APBB2: variants seen among roughly 807,000 people sequenced by gnomAD.
APBB2 encodes amyloid beta precursor protein binding family B member 2, also known as Fe65-like 1.
A neutral mutation model predicts 82.5 loss-of-function variants in APBB2; 38 were observed. The ratio of observed to expected loss-of-function variants is 0.46; its 90% CI spans 0.36 to 0.60. The LOEUF (loss-of-function observed/expected upper bound fraction) is 0.60, where lower values mean the gene tolerates loss of function less well. Among genes scored for constraint, APBB2 ranks in the 20% least tolerant of loss-of-function variants. The pLI is 0.00. For synonymous variants in APBB2, 341 were observed against 368.2 expected, an observed-to-expected ratio of 0.93 and a Z score of 0.85; for missense variants, 772 against 972.3, an observed-to-expected ratio of 0.79 and a Z score of 2.74.
At chr4:41,042,112 T>C (rs1721738918) in intron 4 of APBB2, among the ~76,000 whole-genome samples, 2 of 152,276 alleles carry the variant, frequency 1.3e-5, no homozygotes, top group East Asian at 1.9e-4. Flanking sequence ...TGCCTCAGCC[T>C]CCTGAGTAGC....
chr4:40,948,760 TAAAA>T (rs34662232), intron 6 of APBB2, among the ~76,000 whole-genome samples: 1 of 83,358 alleles, frequency 1.2e-5, no homozygotes, highest in Non-Finnish European at 2.3e-5. Context: ...ACTCCCATCT[TAAAA>T]AAAAAAAAAA....
intron 4 of APBB2, among the ~76,000 whole-genome samples, chr4:41,036,479 A>G (rs1318035990): frequency 6.6e-6 from 1 of 152,218 alleles, no homozygotes; most frequent in Non-Finnish European, 1.5e-5. Context: ...GCCATGTGTC[A>G]TGCATTATGC....
chr4:41,077,140 G>T (rs1023805894), intron 3 of APBB2, among the ~76,000 whole-genome samples: 3 of 150,714 alleles, frequency 2.0e-5, no homozygotes, highest in Non-Finnish European at 4.4e-5. Context: ...GAGTAACTAG[G>T]ACTACAGGCG....
intron 2 of APBB2, among the ~76,000 whole-genome samples, chr4:41,105,299 T>TC (rs1216329468): frequency 1.4e-4 from 21 of 152,224 alleles, no homozygotes; most frequent in Non-Finnish European, 2.5e-4. Context: ...AATGTGCTTT[T>TC]GTATTTTTTA....
At chr4:40,915,846 T>G (rs911078635) in intron 10 of APBB2, among the ~76,000 whole-genome samples, 2 of 151,960 alleles carry the variant, frequency 1.3e-5, no homozygotes, top group Non-Finnish European at 2.9e-5. Context: ...CCCGGCCATC[T>G]CATTTCACGA....
intron 6 of APBB2, among the ~76,000 whole-genome samples, chr4:40,965,219 A>AGAG (rs1794393863): frequency 6.6e-6 from 1 of 152,144 alleles, no homozygotes; most frequent in Non-Finnish European, 1.5e-5. Context: ...CCATTAAATA[A>AGAG]GAGGGATGCT....
In APBB2 at chr4:40,928,817, G is replaced by T. The variant is rs543508566; in HGVS notation, c.1254+5639C>A. Among the ~76,000 whole-genome samples, 4 of 141,200 alleles carry T rather than the reference G, an allele frequency of 2.8e-5. No homozygotes were observed. The South Asian group carries it at 9.2e-4, about 32-fold the overall frequency. 92.6% of individuals were successfully genotyped at this position (141,200 alleles called of 152,430 possible). Reference sequence around the variant, plus strand: ...GGAGAGTCACTTGAACCCAGAAGGCGGCGGTTGCAGTGAGCCGAGATCGCA... The same window carrying T: ...GGAGAGTCACTTGAACCCAGAAGGCTGCGGTTGCAGTGAGCCGAGATCGCA... On this transcript the variant is annotated intron_variant, in intron 10 of 17. Coordinates refer to ENST00000508593, the MANE Select transcript of APBB2 (RefSeq NM_004307.2).
At position 40,825,977 on chromosome 4, in the gene APBB2, G is replaced by A. The variant is rs2154298679; in HGVS notation, c.1733-7C>T. On this transcript the variant is annotated splice_region_variant and splice_polypyrimidine_tract_variant and intron_variant, in intron 14 of 17. Coordinates refer to ENST00000508593, the MANE Select transcript of APBB2 (RefSeq NM_004307.2). Reference sequence around the variant, plus strand: ...TTTGGTGTTGGAAAATCTACTACAGGGAACAAAAGCAACACATCTTTCTCA... The same window carrying A: ...TTTGGTGTTGGAAAATCTACTACAGAGAACAAAAGCAACACATCTTTCTCA... 1 of 1,611,716 alleles carries A rather than the reference G, an allele frequency of 6.2e-7. No homozygotes were observed. Among genetic ancestry groups the A allele is most frequent in the South Asian group, 1.1e-5 (1 of 91,022 alleles).
chr4:40,908,144 C>A (rs1176492622), intron 10 of APBB2, among the ~76,000 whole-genome samples: 8 of 151,792 alleles, frequency 5.3e-5, no homozygotes, highest in Admixed American at 2.0e-4. Flanking sequence ...GGGAGGCGCC[C>A]ACACAGAGAA....
At chr4:41,086,233 C>T (rs757697074) in intron 3 of APBB2, among the ~76,000 whole-genome samples, 18 of 152,126 alleles carry the variant, frequency 1.2e-4, no homozygotes, top group Non-Finnish European at 2.5e-4. Context: ...CAGCCGAATT[C>T]TATCAAATGT....
chr4:41,006,386 G>T (rs544046274), intron 6 of APBB2, among the ~76,000 whole-genome samples: 1 of 152,176 alleles, frequency 6.6e-6, no homozygotes, highest in Admixed American at 6.5e-5. Context: ...AGTCACCCAA[G>T]GTCCTTAAAA....
At chr4:41,159,238 C>CTCTTTT (rs1259023167) in intron 1 of APBB2, among the ~76,000 whole-genome samples, 1 of 152,176 alleles carries the variant, frequency 6.6e-6, no homozygotes, top group Non-Finnish European at 1.5e-5. Flanking sequence ...CTCTATCTCT[C>CTCTTTT]TCTTTTTCTT....
chr4:41,000,364 T>C (rs73248214), intron 6 of APBB2, among the ~76,000 whole-genome samples: 13,117 of 152,238 alleles, frequency 0.086, 724 homozygotes, highest in Admixed American at 0.15. Context: ...GCAGTAATTC[T>C]AGTGACAGCT....
intron 12 of APBB2, among the ~76,000 whole-genome samples, chr4:40,858,053 T>G (rs1761846685): frequency 6.6e-6 from 1 of 152,104 alleles, no homozygotes; most frequent in Non-Finnish European, 1.5e-5. Flanking sequence ...ACCTTTTGTT[T>G]ATAGCTGACT....
chr4:40,900,956 T>TG (rs1337322439), intron 10 of APBB2, among the ~76,000 whole-genome samples: 2 of 152,158 alleles, frequency 1.3e-5, no homozygotes, highest in African/African-American at 4.8e-5. Flanking sequence ...TTCAAAAAAC[T>TG]GGAAGGGCAT....
intron 1 of APBB2, among the ~76,000 whole-genome samples, chr4:41,146,910 G>A (rs1042994786): frequency 3.5e-4 from 53 of 152,144 alleles, no homozygotes; most frequent in African/African-American, 1.2e-4. Flanking sequence ...GCGAGAGCCC[G>A]AACAAACACA....
rs1464851490 is a variant in APBB2 at position 40,810,106 on chromosome 4, G to A, written c.*5986C>T. The A allele has an allele frequency of 6.6e-6, 1 of 152,128 alleles. No homozygotes were observed. Among genetic ancestry groups the A allele is most frequent in the Admixed American group, 6.5e-5 (1 of 15,268 alleles). The allele number at this position is 152,128 out of a possible 1,614,324, so 9.4% of individuals were successfully genotyped here. A position where few individuals can be genotyped will look rare whatever the true frequency, so the allele number is the denominator to read the frequency against. ...ATAAATTCCTAAATGCTCAATTCAG[G>A]TGGCATGATTTTTAGAATATTATCT... On this transcript the variant is annotated 3_prime_UTR_variant, in exon 18 of 18. Coordinates refer to ENST00000508593, the MANE Select transcript of APBB2 (RefSeq NM_004307.2).
At chr4:40,939,373 G>A (rs1019739351) in intron 7 of APBB2, among the ~76,000 whole-genome samples, 2 of 152,130 alleles carry the variant, frequency 1.3e-5, no homozygotes, top group African/African-American at 4.8e-5. Context: ...ACAGGGACTG[G>A]CTGCCCGAGG....
chr4:40,965,137 A>C lies in APBB2; in HGVS notation c.836-20064T>G, dbSNP rs374007102. On this transcript the variant is annotated intron_variant, in intron 6 of 17. Transcript: ENST00000508593. The stretch of plus-strand genomic sequence containing the variant: ...TCCATCTCAAAAAATTAAAAAAAAA[A>C]AAAAATGGTTGACTATGGGTGGAAA... Among the ~76,000 whole-genome samples, 49 of 152,188 alleles carry C rather than the reference A, an allele frequency of 3.2e-4. No individual in the cohort carries two copies. In the East Asian group the frequency reaches 7.2e-3, roughly 22 times the overall value.
Sources: gnomAD v4.1 joint callset for allele counts (sites outside exome capture counted in the v4.1 genomes callset) on GRCh38, gnomAD v4.1.1 for gene constraint, MANE v1.5 for transcripts, NCBI Gene and HGNC (gene_info 2026-07-23, HGNC 2026-07-21) for gene names.